ABCC8: variants seen among roughly 807,000 people sequenced by gnomAD.
ABCC8 encodes the protein ATP-binding cassette sub-family C member 8.
Under a neutral mutation model 188.0 loss-of-function variants are expected in ABCC8, and 137 were observed. That is an observed-to-expected ratio of 0.73 (90% CI 0.63 to 0.84). The LOEUF is 0.84. Among genes scored for constraint, ABCC8 ranks in the 40% least tolerant of loss-of-function variants. The pLI is 0.00. For missense variants in ABCC8, 1,750 were observed against 2,072.7 expected (o/e 0.84, Z 3.02); for synonymous variants, 797 against 846.5 (o/e 0.94, Z 1.01).
rs372606283 is a variant in ABCC8 at position 17,447,351 on chromosome 11, T to C, written c.1332+1165A>G. ...CATGCTGACGATTCTCCTCTGATTA[T>C]TGGGGGGTAATGTACCTCTTCCTGA... is the stretch of plus-strand genomic sequence containing the variant. On this transcript the variant is annotated intron_variant, in intron 8 of 38. Transcript: ENST00000389817. 2.7e-4 allele frequency among the ~76,000 whole-genome samples: 41 copies of C among 152,304 alleles called. No homozygotes were observed. In the East Asian group the frequency reaches 5.2e-3, roughly 19 times the overall value.
chr11:17,467,131 C>T (rs1480464728), intron 3 of ABCC8, among the ~76,000 whole-genome samples: 1 of 149,542 alleles, frequency 6.7e-6, no homozygotes, highest in Non-Finnish European at 1.5e-5. Context: ...TGTGGTATGA[C>T]CTTCCAGGTG....
chr11:17,440,596 T>G (rs1294967418), intron 10 of ABCC8, among the ~76,000 whole-genome samples: 1 of 152,246 alleles, frequency 6.6e-6, no homozygotes, highest in Non-Finnish European at 1.5e-5. Context: ...AAACAGTGGT[T>G]GCCTGCCATG....
At position 17,428,498 on chromosome 11, in the gene ABCC8, C is replaced by G. The variant is rs1396873512; in HGVS notation, c.1923+67G>C. 4 of 1,606,660 alleles carry G rather than the reference C, an allele frequency of 2.5e-6. 1 individual carries two copies. The highest frequency in any genetic ancestry group is 2.2e-5 in the South Asian group (2 of 90,630). On this transcript the variant is annotated intron_variant, in intron 13 of 38. Transcript: ENST00000389817. The stretch of plus-strand genomic sequence containing the variant: ...TGGGAAAAAAGGCAGAAGTCCGACA[C>G]AGCAGGCCCAAGTTTTGGGCCTTAG...
At position 17,392,952 on chromosome 11, in the gene ABCC8, C is replaced by T. The variant is rs1232285501; in HGVS notation, c.*39G>A. On this transcript the variant is annotated 3_prime_UTR_variant, in exon 39 of 39. Transcript: ENST00000389817. The stretch of plus-strand genomic sequence containing the variant: ...TAGAAAACCCAGGCAGGGGTATGGG[C>T]AGGGTCCGAATGTGGGATGGCACTT... The T allele has an allele frequency of 6.2e-7, 1 of 1,604,994 alleles. No homozygotes were observed.
At position 17,404,991 on chromosome 11, in the gene ABCC8, C is replaced by T. The variant is rs1208517501; in HGVS notation, c.3400-322G>A. ...TGGCCATCAGGCTGGTCTTGAACACCTGGCCTCAAGTGATCCGCCTGCCTC... is the reference window on the plus strand; with the variant it reads ...TGGCCATCAGGCTGGTCTTGAACACTTGGCCTCAAGTGATCCGCCTGCCTC... On this transcript the variant is annotated intron_variant, in intron 27 of 38. Transcript: ENST00000389817. This position sits in a 1 kb window ranked among gnomAD's most constrained non-coding sequence, Gnocchi z 4.7. Among the ~76,000 whole-genome samples, 1 of 152,128 alleles carries T rather than the reference C, an allele frequency of 6.6e-6. No individual in the cohort carries two copies. Among genetic ancestry groups the T allele is most frequent in the African/African-American group, 2.4e-5 (1 of 41,422 alleles).
At chr11:17,415,263 G>T in intron 18 of ABCC8, 41 bp downstream of exon 18, 2 of 1,594,078 alleles carry the variant, frequency 1.3e-6, no homozygotes, top group East Asian at 2.3e-5. Flanking sequence ...GCACCCTGGA[G>T]GGAGTTGACC....
chr11:17,429,324 C>G (rs1176160145), intron 12 of ABCC8: 4 of 153,114 alleles, frequency 2.6e-5, no homozygotes, highest in Admixed American at 1.3e-4. Context: ...CTGGGGCAGA[C>G]AAGCCATCCC....
chr11:17,407,076 G>A lies in ABCC8; in HGVS notation c.2974C>T (p.Arg992Cys), dbSNP rs1954577653. 1 of 1,613,950 alleles carries A rather than the reference G, an allele frequency of 6.2e-7. No homozygotes were observed. Among genetic ancestry groups the A allele is most frequent in the South Asian group, 1.1e-5 (1 of 91,078 alleles). The change falls in exon 25 of 39, where the codon CGT becomes TGT. Residue 992 changes from arginine to cysteine, a missense_variant. By Grantham distance (180) the Arg-to-Cys change is radical. Coordinates refer to ENST00000389817, the MANE Select transcript of ABCC8 (RefSeq NM_000352.6). ...CAGGCTCGCCATGGGATCTCAGCAC[G>A]CTGGTGCAGCATGGACGACAGGTTG... The part of the protein sequence containing the change: ...DDNLSSMLHQ[R>C]AEIPWRACAK...
chr11:17,415,425 C>A, intron 17 of ABCC8, 86 bp from the exon 18 acceptor site: 5 of 1,560,890 alleles, frequency 3.2e-6, no homozygotes, highest in Non-Finnish European at 4.3e-6. Flanking sequence ...TCCAACCCAA[C>A]ATGAGCATGC....
chr11:17,474,772 G>A (rs964749843), intron 2 of ABCC8, 114 bp downstream of exon 2: 8 of 1,189,110 alleles, frequency 6.7e-6, no homozygotes, highest in African/African-American at 6.0e-5. Flanking sequence ...GCTGCTGGAT[G>A]TAGTAACAAA....
intron 16 of ABCC8, among the ~76,000 whole-genome samples, chr11:17,423,652 C>G (rs766211042): frequency 2.0e-5 from 3 of 152,164 alleles, no homozygotes; most frequent in Non-Finnish European, 4.4e-5. Context: ...CTGCGAGCCT[C>G]GAACAGAGCT....
intron 36 of ABCC8, 21 bp from the exon 37 acceptor site, chr11:17,394,420 TG>T (rs1320586754): frequency 5.0e-6 from 8 of 1,614,020 alleles, no homozygotes; most frequent in Non-Finnish European, 6.8e-6. Context: ...CCCGGGGAGA[TG>T]AAGTAGGACT....
intron 4 of ABCC8, 94 bp from the exon 5 acceptor site, chr11:17,461,919 C>T (rs956266764): frequency 3.2e-6 from 5 of 1,575,300 alleles, no homozygotes; most frequent in Non-Finnish European, 4.3e-6. Context: ...TGATATTCCA[C>T]ACTTGATCTC....
At position 17,476,621 on chromosome 11, in the gene ABCC8, G is replaced by A. The variant is rs1451180963; in HGVS notation, c.148+8C>T. ...TCCCCTCCTCCGCGGCTCGCTGCGCGCACTCACCAATGAAGAGGATGGGGA... is the reference window on the plus strand; with the variant it reads ...TCCCCTCCTCCGCGGCTCGCTGCGCACACTCACCAATGAAGAGGATGGGGA... On this transcript the variant is annotated splice_region_variant and intron_variant, in intron 1 of 38. Coordinates refer to ENST00000389817, the MANE Select transcript of ABCC8 (RefSeq NM_000352.6). The A allele has an allele frequency of 3.1e-6, 5 of 1,610,282 alleles. No homozygotes were observed. Among genetic ancestry groups the A allele is most frequent in the Non-Finnish European group, 3.4e-6 (4 of 1,178,522 alleles).
chr11:17,441,345 C>T (rs1956309246), intron 10 of ABCC8, among the ~76,000 whole-genome samples: 1 of 152,114 alleles, frequency 6.6e-6, no homozygotes, highest in Non-Finnish European at 1.5e-5. Context: ...CAGGAACACA[C>T]TCCCCTCTGG....
chr11:17,415,446 C>T lies in ABCC8; in HGVS notation c.2256-107G>A. ...CCAACATGAGCATGCCTTTACAATC[C>T]CCTGGACCCAGTCTGTAGCCACAAA... On this transcript the variant is annotated intron_variant, in intron 17 of 38. Transcript: ENST00000389817. 1.9e-6 allele frequency: 3 copies of T among 1,548,608 alleles called. No homozygotes were observed. The African/African-American group carries it at 4.1e-5, about 21-fold the overall frequency.
intron 2 of ABCC8, among the ~76,000 whole-genome samples, chr11:17,473,942 C>A (rs1048845757): frequency 5.9e-5 from 9 of 152,180 alleles, no homozygotes; most frequent in African/African-American, 2.2e-4. Context: ...CAGCCTCCAT[C>A]GCTCCCCAGC....
Position 17,404,729 on chromosome 11 carries a change from C to T in ABCC8, c.3400-60G>A. ...TTTGGTATTGACTGTGTTTAGAGTG[C>T]TACTGGCCGCCATGTTTTGCTCTCA... On this transcript the variant is annotated intron_variant, in intron 27 of 38. Transcript: ENST00000389817. The surrounding 1 kb of genome is among the most constrained non-coding windows in gnomAD (Gnocchi z 4.7). The T allele has an allele frequency of 8.4e-6, 13 of 1,554,052 alleles. No homozygotes were observed. Among genetic ancestry groups the T allele is most frequent in the Non-Finnish European group, 1.0e-5 (12 of 1,149,108 alleles).
intron 10 of ABCC8, chr11:17,436,156 A>C: frequency 1.3e-6 from 1 of 753,014 alleles, no homozygotes; most frequent in Non-Finnish European, 2.5e-6. Flanking sequence ...ATGACAACCA[A>C]CATGTCTCAG....
Sources: gnomAD v4.1 joint callset for allele counts (sites outside exome capture counted in the v4.1 genomes callset) on GRCh38, gnomAD v4.1.1 for gene constraint, Gnocchi (gnomAD v3.1) non-coding constraint, MANE v1.5 for transcripts, NCBI Gene and HGNC (gene_info 2026-07-23, HGNC 2026-07-21) for gene names.